The following WDR25 variants were observed in gnomAD, a reference collection of about 807,000 sequenced individuals.
The protein encoded by WDR25 is WD repeat-containing protein 25.
WDR25 carries 35 observed loss-of-function variants against 47.7 expected under a neutral mutation model. That is an observed-to-expected ratio of 0.73 (90% CI 0.56 to 0.97). The LOEUF (loss-of-function observed/expected upper bound fraction) is 0.97, where lower values mean the gene tolerates loss of function less well. WDR25 is among the 50% of genes least tolerant of loss of function. WDR25 has a pLI of 0.00. For synonymous variants in WDR25, 248 were observed against 278.9 expected (o/e 0.89, Z 1.10); for missense variants, 634 against 704.7 (o/e 0.90, Z 1.14).
In WDR25 at chr14:100,498,949, C is replaced by T. The variant is rs1407208651; in HGVS notation, c.1101+14825C>T. 6.6e-6 allele frequency among the ~76,000 whole-genome samples: 1 copy of T among 152,168 alleles called. No homozygotes were observed. The highest frequency in any genetic ancestry group is 2.4e-5 in the African/African-American group (1 of 41,432). On this transcript the variant is annotated intron_variant, in intron 4 of 6. Transcript: ENST00000402312. This position sits in a 1 kb window ranked among gnomAD's most constrained non-coding sequence, Gnocchi z 4.2. ...TGAGAGGGCTTGTCGTGGGGTCCCCCTGTGACTTGGGTGCAAGCAGGGTGT... is the reference window on the plus strand; with the variant it reads ...TGAGAGGGCTTGTCGTGGGGTCCCCTTGTGACTTGGGTGCAAGCAGGGTGT...
intron 2 of WDR25, among the ~76,000 whole-genome samples, chr14:100,419,221 CAAAA>C (rs767240939): frequency 4.2e-5 from 3 of 72,222 alleles, no homozygotes; most frequent in African/African-American, 4.8e-5. Context: ...GACTCCATCA[CAAAA>C]AAAAAAAAAA....
chr14:100,432,347 G>A (rs563382529), intron 2 of WDR25, among the ~76,000 whole-genome samples: 21 of 152,232 alleles, frequency 1.4e-4, no homozygotes, highest in Middle Eastern at 3.4e-3. Flanking sequence ...CCTTTCATTC[G>A]TTATTTTTAG....
In WDR25 at chr14:100,502,327, A is replaced by T. The variant is rs920085299; in HGVS notation, c.1101+18203A>T. Among the ~76,000 whole-genome samples, 1 of 152,120 alleles carries T rather than the reference A, an allele frequency of 6.6e-6. No individual in the cohort carries two copies. Among genetic ancestry groups the T allele is most frequent in the African/African-American group, 2.4e-5 (1 of 41,422 alleles). ...CTTAAGGCTCTCATGAGCCCCCCAC[A>T]TTCAGTGCCCTCATTCCCTGGTCCT... On this transcript the variant is annotated intron_variant, in intron 4 of 6. Transcript: ENST00000402312. This position sits in a 1 kb window ranked among gnomAD's most constrained non-coding sequence, Gnocchi z 4.5.
intron 3 of WDR25, among the ~76,000 whole-genome samples, chr14:100,473,661 G>A (rs575946623): frequency 1.6e-4 from 25 of 152,326 alleles, no homozygotes; most frequent in African/African-American, 6.0e-4. Context: ...CTTGGCATGG[G>A]AAGGGTGAGA....
At position 100,404,369 on chromosome 14, in the gene WDR25, T is replaced by C. The variant is rs755969046; in HGVS notation, c.822+22623T>C. 2.0e-5 allele frequency among the ~76,000 whole-genome samples: 3 copies of C among 152,240 alleles called. No individual in the cohort carries two copies. The highest frequency in any genetic ancestry group is 2.9e-5 in the Non-Finnish European group (2 of 68,038). ...ATGTTTGGAACCTGGGTTCTCATTT[T>C]CCTGTAGAATCAGTGTTATTCATGG... On this transcript the variant is annotated intron_variant, in intron 2 of 6. Transcript: ENST00000402312. The surrounding 1 kb of genome is among the most constrained non-coding windows in gnomAD (Gnocchi z 4.6).
intron 2 of WDR25, among the ~76,000 whole-genome samples, chr14:100,439,303 C>T (rs1898595176): frequency 6.6e-6 from 1 of 152,200 alleles, no homozygotes; most frequent in African/African-American, 2.4e-5. Flanking sequence ...GCTCTGGCCT[C>T]GGTGACGAAG....
intron 2 of WDR25, among the ~76,000 whole-genome samples, chr14:100,391,607 C>G (rs1000323517): frequency 6.6e-6 from 1 of 151,982 alleles, no homozygotes; most frequent in African/African-American, 2.4e-5. Context: ...TCTCTCCACC[C>G]AGAGGCAATG....
At position 100,425,358 on chromosome 14, in the gene WDR25, C is replaced by G. The variant is rs1330652620; in HGVS notation, c.823-42663C>G. Among the ~76,000 whole-genome samples, 1 of 152,208 alleles carries G rather than the reference C, an allele frequency of 6.6e-6. No individual in the cohort carries two copies. The highest frequency in any genetic ancestry group is 2.4e-5 in the African/African-American group (1 of 41,462). On this transcript the variant is annotated intron_variant, in intron 2 of 6. Transcript: ENST00000402312. The surrounding 1 kb of genome is among the most constrained non-coding windows in gnomAD (Gnocchi z 4.8). ...TGCCCAGCACAGGGGTGGCACACAC[C>G]CAGGAGTAGCTGTTGGGTGGATATA...
At chr14:100,511,031 C>T (rs1267972361) in intron 4 of WDR25, among the ~76,000 whole-genome samples, 1 of 151,956 alleles carries the variant, frequency 6.6e-6, no homozygotes, top group Non-Finnish European at 1.5e-5. Flanking sequence ...ATTTACATTT[C>T]AGTTTTACAA....
chr14:100,486,712 G>A (rs940532119), intron 4 of WDR25, among the ~76,000 whole-genome samples: 7 of 152,236 alleles, frequency 4.6e-5, no homozygotes, highest in Non-Finnish European at 1.0e-4. Flanking sequence ...CTCAGCCTGG[G>A]CGTGTATGTG....
intron 2 of WDR25, among the ~76,000 whole-genome samples, chr14:100,435,771 G>A (rs1898481600): frequency 1.3e-5 from 2 of 152,242 alleles, no homozygotes; most frequent in Admixed American, 1.3e-4. Context: ...TCCAGATGGG[G>A]ATCTTCATGG....
intron 4 of WDR25, among the ~76,000 whole-genome samples, chr14:100,497,279 G>A (rs901749799): frequency 6.6e-6 from 1 of 152,068 alleles, no homozygotes; most frequent in African/African-American, 2.4e-5. Flanking sequence ...TTACATCCTT[G>A]CTGTTTTTTA....
chr14:100,386,721 G>A (rs551083684), intron 2 of WDR25, among the ~76,000 whole-genome samples: 11 of 151,876 alleles, frequency 7.2e-5, no homozygotes, highest in Non-Finnish European at 1.2e-4. Flanking sequence ...GTGAAACCCC[G>A]TCTCTACTAA....
Position 100,523,425 on chromosome 14 carries a change from G to A in WDR25, c.1102-2445G>A, listed in dbSNP as rs182682390. Among the ~76,000 whole-genome samples the A allele has an allele frequency of 1.3e-5, 2 of 152,218 alleles. No individual in the cohort carries two copies. Among genetic ancestry groups the A allele is most frequent in the East Asian group, 1.9e-4 (1 of 5,198 alleles). ...AGAGGACTGGCAGCATGGGGTGAGG[G>A]ATAGCTGGGTGCATCCGCCAGTCCT... On this transcript the variant is annotated intron_variant, in intron 4 of 6. Transcript: ENST00000402312. This position sits in a 1 kb window ranked among gnomAD's most constrained non-coding sequence, Gnocchi z 4.7.
At chr14:100,446,399 A>G (rs1165956253) in intron 2 of WDR25, among the ~76,000 whole-genome samples, 1 of 151,890 alleles carries the variant, frequency 6.6e-6, no homozygotes, top group Admixed American at 6.6e-5. Context: ...AAAAATACAA[A>G]AATTAGCCAG....
chr14:100,505,634 C>T (rs1459263736), intron 4 of WDR25, among the ~76,000 whole-genome samples: 1 of 152,182 alleles, frequency 6.6e-6, no homozygotes, highest in East Asian at 1.9e-4. Context: ...TCTATTGGGT[C>T]CAATCTGTAG....
intron 4 of WDR25, chr14:100,504,614 T>A (rs1198123946): frequency 6.6e-6 from 1 of 152,242 alleles, no homozygotes. Context: ...AGTTTGTTTA[T>A]CCAGTCACCT....
At chr14:100,510,413 G>A (rs1566942811) in intron 4 of WDR25, among the ~76,000 whole-genome samples, 1 of 151,548 alleles carries the variant, frequency 6.6e-6, no homozygotes, top group Admixed American at 6.6e-5. Flanking sequence ...CACTATAGAT[G>A]TGCACCACCA....
intron 1 of WDR25, among the ~76,000 whole-genome samples, chr14:100,380,499 C>T (rs1176729690): frequency 2.8e-5 from 4 of 145,300 alleles, no homozygotes; most frequent in African/African-American, 2.5e-5. Flanking sequence ...CTTTTTCTTT[C>T]TTTTTTTTTT....
Sources: allele counts gnomAD v4.1 joint callset (sites outside exome capture counted in the v4.1 genomes callset), GRCh38; gene constraint gnomAD v4.1.1; non-coding constraint Gnocchi (gnomAD v3.1); transcripts MANE v1.5; gene names NCBI Gene and HGNC (gene_info 2026-07-23, HGNC 2026-07-21).